The following YTHDF1 variants were observed in gnomAD, a reference collection of about 807,000 sequenced individuals.
The protein encoded by YTHDF1 is YTH domain-containing family protein 1.
YTHDF1 carries 16 observed loss-of-function variants against 49.1 expected under a neutral mutation model. That is an observed-to-expected ratio of 0.33 (90% CI 0.22 to 0.49). The LOEUF (loss-of-function observed/expected upper bound fraction) is 0.49, where lower values mean the gene tolerates loss of function less well. Among genes scored for constraint, YTHDF1 ranks in the 20% least tolerant of loss-of-function variants. YTHDF1 has a pLI of 0.99. For missense variants in YTHDF1, 621 were observed against 744.3 expected, an observed-to-expected ratio of 0.83 and a Z score of 1.93; for synonymous variants, 313 against 290.1, an observed-to-expected ratio of 1.08 and a Z score of -0.80.
chr20:63,215,941 C>G lies in YTHDF1; in HGVS notation c.-49G>C, dbSNP rs1053869932. ...GGCCGGGGCGCCCGCCGGCTCGGGC[C>G]TCCCCTAGAGGCCGGGCCTGTCACC... On this transcript the variant is annotated 5_prime_UTR_variant, in exon 1 of 5. Transcript: ENST00000370339. The G allele has an allele frequency of 1.0e-5, 14 of 1,338,516 alleles. No individual in the cohort carries two copies. Among genetic ancestry groups the G allele is most frequent in the South Asian group, 1.8e-5 (1 of 55,072 alleles). 82.9% of individuals were successfully genotyped at this position (1,338,516 alleles called of 1,614,324 possible).
intron 3 of YTHDF1, among the ~76,000 whole-genome samples, chr20:63,212,055 T>A (rs975478023): frequency 3.3e-5 from 5 of 151,634 alleles, no homozygotes; most frequent in African/African-American, 4.9e-5. Flanking sequence ...TTGGCTAAAA[T>A]TCAGTACATA....
In YTHDF1 at chr20:63,203,826, C is replaced by T; in HGVS notation, c.133-19G>A. ...TGTTACTCTGCAAAAGCAAACGTGA[C>T]AAGTTACACCACTTCTACAACACGA... On this transcript the variant is annotated intron_variant, in intron 3 of 4. Coordinates refer to ENST00000370339, the MANE Select transcript of YTHDF1 (RefSeq NM_017798.4). This position sits in a 1 kb window ranked among gnomAD's most constrained non-coding sequence, Gnocchi z 4.4. The T allele has an allele frequency of 6.3e-7, 1 of 1,577,230 alleles. No homozygotes were observed. The highest frequency in any genetic ancestry group is 8.7e-7 in the Non-Finnish European group (1 of 1,156,054).
intron 4 of YTHDF1, 96 bp downstream of exon 4, chr20:63,202,191 C>A (rs1418351327): frequency 2.0e-6 from 3 of 1,478,192 alleles, no homozygotes; most frequent in East Asian, 4.6e-5. Context: ...CTCAGCTCGG[C>A]GGACCTGCCG....
intron 3 of YTHDF1, among the ~76,000 whole-genome samples, chr20:63,211,255 A>G (rs1344238427): frequency 6.6e-6 from 1 of 152,116 alleles, no homozygotes; most frequent in Non-Finnish European, 1.5e-5. Flanking sequence ...GCTTGAGCCC[A>G]TGAGTTCAAG....
Position 63,203,674 on chromosome 20 carries a change from T to C in YTHDF1, c.266A>G (p.Tyr89Cys), listed in dbSNP as rs1315810863. 2 of 1,613,998 alleles carry C rather than the reference T, an allele frequency of 1.2e-6. No homozygotes were observed. Among genetic ancestry groups the C allele is most frequent in the Admixed American group, 1.7e-5 (1 of 59,998 alleles). Residue 89 changes from tyrosine to cysteine, a missense_variant, in exon 4 of 5, where the codon TAC becomes TGC. Coordinates refer to ENST00000370339, the MANE Select transcript of YTHDF1 (RefSeq NM_017798.4). The surrounding 1 kb of genome is among the most constrained non-coding windows in gnomAD (Gnocchi z 4.4). ...GDPPIPYLTTYGQLSNGDHHF... is the reference protein window; with the variant it reads ...GDPPIPYLTTCGQLSNGDHHF... ...ATGGTCTCCGTTACTGAGCTGTCCG[T>C]AGGTGGTGAGGTATGGAATCGGAGG...
chr20:63,199,918 G>C (rs1359792385), intron 4 of YTHDF1, among the ~76,000 whole-genome samples: 1 of 152,078 alleles, frequency 6.6e-6, no homozygotes, highest in African/African-American at 2.4e-5. Flanking sequence ...AAATTAGCCA[G>C]GCGTGGTGGT....
Position 63,202,722 on chromosome 20 carries a change from A to G in YTHDF1, c.1218T>C (p.Ile406=), listed in dbSNP as rs1601233348. 6.2e-7 allele frequency: 1 copy of G among 1,614,154 alleles called. No individual in the cohort carries two copies. Among genetic ancestry groups the G allele is most frequent in the Non-Finnish European group, 8.5e-7 (1 of 1,180,038 alleles). Residue 406 remains isoleucine (I), a synonymous_variant, in exon 4 of 5, where the codon ATT becomes ATC. Coordinates refer to ENST00000370339, the MANE Select transcript of YTHDF1 (RefSeq NM_017798.4). ...CTGTGCTACACCAGATGGAGTACTT[A>G]ATGGAGCGGTGGATGTCGTCCTCAG... ...SYSEDDIHRS[I]KYSIWCSTEH... is the part of the protein sequence containing the mutation.
chr20:63,199,701 G>C (rs8120968), intron 4 of YTHDF1, among the ~76,000 whole-genome samples: 3 of 152,088 alleles, frequency 2.0e-5, no homozygotes, highest in African/African-American at 7.2e-5. Context: ...AGCCAGCAGC[G>C]AAGTCCAGTC....
intron 4 of YTHDF1, among the ~76,000 whole-genome samples, chr20:63,200,788 T>C (rs1289368161): frequency 2.6e-5 from 4 of 152,206 alleles, no homozygotes; most frequent in South Asian, 2.1e-4. Context: ...AGAAAAACTG[T>C]GCGCGCACAC....
chr20:63,203,187 CTT>C lies in YTHDF1; in HGVS notation c.751_752del (p.Lys251GlufsTer17), dbSNP rs1351300311. On this transcript the variant is annotated frameshift_variant, in exon 4 of 5. Coordinates refer to ENST00000370339, the MANE Select transcript of YTHDF1 (RefSeq NM_017798.4). LOFTEE classifies it high-confidence loss of function. The surrounding 1 kb of genome is among the most constrained non-coding windows in gnomAD (Gnocchi z 4.4). Reference protein sequence around the residue: ...PAKPQPKMKTKSGPVMGGGLP... With the variant: ...PAKPQPKMKTXSGPVMGGGLP... ...GCCCACCCCCCATGACAGGCCCGCT[CTT>C]TGTTTTCATTTTAGGCTGTGGTTTT... is the stretch of plus-strand genomic sequence containing the variant. 4 of 1,613,918 alleles carry C rather than the reference CTT, an allele frequency of 2.5e-6. No homozygotes were observed. The highest frequency in any genetic ancestry group is 1.3e-5 in the African/African-American group (1 of 75,044).
intron 3 of YTHDF1, among the ~76,000 whole-genome samples, chr20:63,208,980 A>G (rs2066560885): frequency 6.6e-6 from 1 of 152,224 alleles, no homozygotes; most frequent in Non-Finnish European, 1.5e-5. Flanking sequence ...CTTACCACAC[A>G]CTGAGGCCGT....
chr20:63,203,962 G>C lies in YTHDF1; in HGVS notation c.133-155C>G, dbSNP rs1601234873. The stretch of plus-strand genomic sequence containing the variant: ...AAGAAAGCTGTAGTCGCCAATGTGA[G>C]AACCAAATCAAGACAGAGAAATTAA... On this transcript the variant is annotated intron_variant, in intron 3 of 4. Transcript: ENST00000370339. The surrounding 1 kb of genome is among the most constrained non-coding windows in gnomAD (Gnocchi z 4.4). Among the ~76,000 whole-genome samples, 1 of 152,328 alleles carries C rather than the reference G, an allele frequency of 6.6e-6. No individual in the cohort carries two copies. Among genetic ancestry groups the C allele is most frequent in the African/African-American group, 2.4e-5 (1 of 41,568 alleles).
In YTHDF1 at chr20:63,202,627, A is replaced by T. The variant is rs1474810859; in HGVS notation, c.1313T>A (p.Phe438Tyr). The change falls in exon 4 of 5, where the codon TTC becomes TAC. Residue 438 changes from phenylalanine to tyrosine, a missense_variant. Transcript: ENST00000370339. ...AAAATGCCCACTCCCATTGACGCTGAAGAGCAGGTAGACGGGCCCCTTGCT... is the reference window on the plus strand; with the variant it reads ...AAAATGCCCACTCCCATTGACGCTGTAGAGCAGGTAGACGGGCCCCTTGCT... ...MSSKGPVYLL[F>Y]SVNGSGHFCG... 6.2e-7 allele frequency: 1 copy of T among 1,613,900 alleles called. No individual in the cohort carries two copies. Among genetic ancestry groups the T allele is most frequent in the African/African-American group, 1.3e-5 (1 of 74,956 alleles).
At chr20:63,207,251 A>G (rs1237187540) in intron 3 of YTHDF1, among the ~76,000 whole-genome samples, 1 of 152,064 alleles carries the variant, frequency 6.6e-6, no homozygotes, top group Non-Finnish European at 1.5e-5. Flanking sequence ...GACGGATCAC[A>G]AGGTCAGGAG....
At chr20:63,201,885 A>AT (rs1568990891) in intron 4 of YTHDF1, among the ~76,000 whole-genome samples, 1 of 152,246 alleles carries the variant, frequency 6.6e-6, no homozygotes, top group Non-Finnish European at 1.5e-5. Context: ...TGCTTCGTGA[A>AT]TATCACCTAA....
At chr20:63,208,927 T>C (rs2066560623) in intron 3 of YTHDF1, among the ~76,000 whole-genome samples, 1 of 152,184 alleles carries the variant, frequency 6.6e-6, no homozygotes, top group African/African-American at 2.4e-5. Flanking sequence ...GTGTGATCAG[T>C]GTCCTCACAC....
rs1314444803 is a variant in YTHDF1, at chr20:63,195,846, A to G, written c.*862T>C. 3 of 152,266 alleles carry G rather than the reference A, an allele frequency of 2.0e-5. No homozygotes were observed. The highest frequency in any genetic ancestry group is 4.4e-5 in the Non-Finnish European group (3 of 68,050). The allele number at this position is 152,266 out of a possible 1,614,324, so 9.4% of individuals were successfully genotyped here. On this transcript the variant is annotated 3_prime_UTR_variant, in exon 5 of 5. Transcript: ENST00000370339. ...GACACACACGATGAAATTTACAACC[A>G]GCAGCATCATCCATCACACTGTCTG...
intron 3 of YTHDF1, among the ~76,000 whole-genome samples, chr20:63,208,747 C>A (rs995107933): frequency 6.6e-6 from 1 of 152,234 alleles, no homozygotes; most frequent in Admixed American, 6.5e-5. Flanking sequence ...AACTGACACT[C>A]CCCTGCTGGC....
chr20:63,197,465 CTTT>C (rs2066497338), intron 4 of YTHDF1, among the ~76,000 whole-genome samples: 1 of 152,226 alleles, frequency 6.6e-6, no homozygotes, highest in Admixed American at 6.5e-5. Flanking sequence ...ACACCCGAAT[CTTT>C]TCCCACACTG....
Sources: allele counts gnomAD v4.1 joint callset (sites outside exome capture counted in the v4.1 genomes callset), GRCh38; gene constraint gnomAD v4.1.1; non-coding constraint Gnocchi (gnomAD v3.1); transcripts MANE v1.5; gene names NCBI Gene and HGNC (gene_info 2026-07-23, HGNC 2026-07-21).